Variants in UQCC1 observed in about 807,000 individuals in gnomAD.
UQCC1 encodes bFGF-repressed Zic-binding protein.
UQCC1 carries 38 observed loss-of-function variants against 48.0 expected under a neutral mutation model. The observed-to-expected ratio is 0.79, with a 90% CI of 0.61 to 1.04. The LOEUF (loss-of-function observed/expected upper bound fraction) is 1.04. Ranked by LOEUF, UQCC1 falls within the 50% of genes least tolerant of loss-of-function variation. The probability of loss-of-function intolerance (pLI) is 0.00; values close to 1 mark genes in which losing one functional copy is unlikely to be tolerated. For synonymous variants in UQCC1, 111 were observed against 129.2 expected (o/e 0.86, Z 0.95); for missense variants, 368 against 381.8 (o/e 0.96, Z 0.30).
intron 7 of UQCC1, among the ~76,000 whole-genome samples, chr20:35,337,039 C>T (rs767460181): frequency 1.3e-5 from 2 of 152,172 alleles, no homozygotes; most frequent in African/African-American, 2.4e-5. Flanking sequence ...CTAATTTGTA[C>T]GCAGCTCTTC....
In UQCC1 at chr20:35,303,368, C is replaced by G. The variant is rs1359200128; in HGVS notation, c.*567G>C. On this transcript the variant is annotated 3_prime_UTR_variant, in exon 10 of 10. Coordinates refer to ENST00000374385, the MANE Select transcript of UQCC1 (RefSeq NM_018244.5). ...ATCCCAGCCTCTTCCCTTTCTCCGTCTCTAACTGAGCTGCGCGGTGCCCTC... is the reference window on the plus strand; with the variant it reads ...ATCCCAGCCTCTTCCCTTTCTCCGTGTCTAACTGAGCTGCGCGGTGCCCTC... 1.3e-5 allele frequency: 2 copies of G among 153,950 alleles called. No homozygotes were observed. The highest frequency in any genetic ancestry group is 4.8e-5 in the African/African-American group (2 of 41,490). 9.5% of individuals were successfully genotyped at this position (153,950 alleles called of 1,614,324 possible). A position where few individuals can be genotyped will look rare whatever the true frequency, so the allele number is the denominator to read the frequency against.
intron 2 of UQCC1, chr20:35,392,317 A>T (rs2062023526): frequency 1.5e-6 from 2 of 1,299,628 alleles, no homozygotes; most frequent in African/African-American, 1.5e-5. Flanking sequence ...TACAGTCGAT[A>T]CGACAAAAGG....
intron 5 of UQCC1, among the ~76,000 whole-genome samples, chr20:35,367,092 T>TAAAAAAA (rs72469122): frequency 1.1e-4 from 11 of 101,702 alleles, no homozygotes; most frequent in Non-Finnish European, 2.2e-4. Context: ...AGACTCTGTC[T>TAAAAAAA]AAAAAAAAAA....
chr20:35,360,122 T>C (rs1257656831), intron 6 of UQCC1, among the ~76,000 whole-genome samples: 7 of 152,214 alleles, frequency 4.6e-5, no homozygotes, highest in African/African-American at 1.4e-4. Flanking sequence ...TATGCAATGC[T>C]GGTAAAATGC....
intron 5 of UQCC1, among the ~76,000 whole-genome samples, chr20:35,372,976 G>A (rs557476876): frequency 6.6e-6 from 1 of 152,338 alleles, no homozygotes; most frequent in Non-Finnish European, 1.5e-5. Context: ...TTTGCTGCTA[G>A]AGAAAAATCT....
chr20:35,357,457 T>C (rs1600936671), intron 6 of UQCC1, among the ~76,000 whole-genome samples: 1 of 150,540 alleles, frequency 6.6e-6, no homozygotes, highest in African/African-American at 2.4e-5. Flanking sequence ...GAGGCGGAGG[T>C]TGCAGTGAGC....
chr20:35,368,333 A>G (rs1038683336), intron 5 of UQCC1, among the ~76,000 whole-genome samples: 1 of 152,218 alleles, frequency 6.6e-6, no homozygotes, highest in Non-Finnish European at 1.5e-5. Context: ...CATGAGCTCA[A>G]TGAATCCTCC....
At chr20:35,367,930 T>C (rs1219606274) in intron 5 of UQCC1, among the ~76,000 whole-genome samples, 1 of 152,140 alleles carries the variant, frequency 6.6e-6, no homozygotes, top group Non-Finnish European at 1.5e-5. Flanking sequence ...ACAAATTAGT[T>C]CTGTGCTCAG....
At position 35,383,037 on chromosome 20, in the gene UQCC1, G is replaced by A. The variant is rs190335925; in HGVS notation, c.225+1001C>T. Among the ~76,000 whole-genome samples the A allele has an allele frequency of 2.0e-3, 298 of 151,996 alleles. 1 individual carries two copies. The highest frequency in any genetic ancestry group is 6.7e-3 in the African/African-American group (276 of 41,440). The stretch of plus-strand genomic sequence containing the variant: ...CCCCATCTCCCAAGAACAATTCTGA[G>A]AAGTAAAACATTCTATGCTTATTGA... On this transcript the variant is annotated intron_variant, in intron 3 of 9. Coordinates refer to ENST00000374385, the MANE Select transcript of UQCC1 (RefSeq NM_018244.5).
intron 7 of UQCC1, among the ~76,000 whole-genome samples, chr20:35,328,903 T>C (rs1208858348): frequency 1.3e-5 from 2 of 152,338 alleles, no homozygotes; most frequent in East Asian, 3.9e-4. Flanking sequence ...TTCAACTTCC[T>C]TTCTCAGCAT....
intron 8 of UQCC1, among the ~76,000 whole-genome samples, chr20:35,314,315 G>A (rs2061031388): frequency 6.7e-6 from 1 of 149,878 alleles, no homozygotes; most frequent in Admixed American, 6.6e-5. Context: ...AAAAAAAAAA[G>A]TGTATACTTT....
At chr20:35,327,392 A>G (rs1464259841) in intron 7 of UQCC1, among the ~76,000 whole-genome samples, 1 of 152,246 alleles carries the variant, frequency 6.6e-6, no homozygotes, top group Non-Finnish European at 1.5e-5. Flanking sequence ...TATCTGAGAA[A>G]GAGGCTGTTC....
intron 6 of UQCC1, among the ~76,000 whole-genome samples, chr20:35,363,138 T>C (rs2061626936): frequency 6.6e-6 from 1 of 152,146 alleles, no homozygotes; most frequent in Admixed American, 6.5e-5. Flanking sequence ...CATGTGTCCA[T>C]TCTGGTCACA....
chr20:35,362,938 CCTCT>C (rs933254902), intron 6 of UQCC1, among the ~76,000 whole-genome samples: 2 of 151,596 alleles, frequency 1.3e-5, no homozygotes, highest in African/African-American at 4.9e-5. Flanking sequence ...GAGCCTCCTC[CCTCT>C]GTCTCTGTAC....
chr20:35,390,400 C>T (rs1250679296), intron 2 of UQCC1, among the ~76,000 whole-genome samples: 2 of 142,046 alleles, frequency 1.4e-5, no homozygotes, highest in Non-Finnish European at 3.0e-5. Context: ...CCAGCCTGGG[C>T]GACAGAGTGA....
intron 6 of UQCC1, among the ~76,000 whole-genome samples, chr20:35,361,059 G>A (rs2146425717): frequency 6.6e-6 from 1 of 152,168 alleles, no homozygotes; most frequent in East Asian, 1.9e-4. Flanking sequence ...TAGATCTGTA[G>A]TTTTTAAACT....
chr20:35,320,386 T>A (rs2061109917), intron 7 of UQCC1, among the ~76,000 whole-genome samples: 1 of 152,210 alleles, frequency 6.6e-6, no homozygotes, highest in Non-Finnish European at 1.5e-5. Context: ...TTGGGAAAGT[T>A]AAAGCTAGAC....
In UQCC1 at chr20:35,395,341, T is replaced by C. The variant is rs143326967; in HGVS notation, c.25-1145A>G. Among the ~76,000 whole-genome samples the C allele has an allele frequency of 4.9e-3, 741 of 152,100 alleles. 11 individuals carry two copies. The highest frequency in any genetic ancestry group is 6.1e-3 in the Non-Finnish European group (413 of 67,976). On this transcript the variant is annotated intron_variant, in intron 1 of 9. Coordinates refer to ENST00000374385, the MANE Select transcript of UQCC1 (RefSeq NM_018244.5). Reference sequence around the variant, plus strand: ...ATTAACATAAACTCACTGCCGGTCATAGCAGCTCATGCCTTCACTCCTATT... The same window carrying C: ...ATTAACATAAACTCACTGCCGGTCACAGCAGCTCATGCCTTCACTCCTATT...
chr20:35,402,707 C>T lies in UQCC1; in HGVS notation c.25-8511G>A, dbSNP rs1442241439. Among the ~76,000 whole-genome samples, 6 of 151,460 alleles carry T rather than the reference C, an allele frequency of 4.0e-5. No individual in the cohort carries two copies. In the South Asian group the frequency reaches 8.4e-4, roughly 21 times the overall value. ...ACTCAGGAGGCTGAGGCACAAGGAT[C>T]GCTTGAACCCGGGAGGCGGAGGTTG... On this transcript the variant is annotated intron_variant, in intron 1 of 9. Coordinates refer to ENST00000374385, the MANE Select transcript of UQCC1 (RefSeq NM_018244.5).
Sources: allele counts gnomAD v4.1 joint callset (sites outside exome capture counted in the v4.1 genomes callset), GRCh38; gene constraint gnomAD v4.1.1; transcripts MANE v1.5; gene names NCBI Gene and HGNC (gene_info 2026-07-23, HGNC 2026-07-21).